Variants in YIPF1 observed in about 807,000 individuals in gnomAD.
YIPF1 encodes the protein Yip1 domain family member 1.
Under a neutral mutation model 37.0 loss-of-function variants are expected in YIPF1, and 22 were observed. The observed-to-expected ratio is 0.59, with a 90% CI of 0.42 to 0.85. YIPF1 has a LOEUF of 0.85. Among genes scored for constraint, YIPF1 ranks in the 40% least tolerant of loss-of-function variants. The pLI, the probability that YIPF1 is intolerant of heterozygous loss-of-function variation, is 0.00. For missense variants in YIPF1, 355 were observed against 373.1 expected, an observed-to-expected ratio of 0.95 and a Z score of 0.40; for synonymous variants, 128 against 131.9, an observed-to-expected ratio of 0.97 and a Z score of 0.21.
At chr1:53,879,032 T>G (rs1650416260) in intron 4 of YIPF1, among the ~76,000 whole-genome samples, 3 of 152,122 alleles carry the variant, frequency 2.0e-5, no homozygotes, top group African/African-American at 7.2e-5. Flanking sequence ...TATAGAATTA[T>G]GTACAATAAT....
At chr1:53,889,608 G>C (rs144447321) in intron 1 of YIPF1, 105 bp downstream of exon 1, 5 of 152,600 alleles carry the variant, frequency 3.3e-5, no homozygotes, top group Non-Finnish European at 5.9e-5. Flanking sequence ...CCGCGAAGCA[G>C]AGGCAGTGTT....
intron 10 of YIPF1, among the ~76,000 whole-genome samples, chr1:53,852,826 C>T (rs999054760): frequency 6.6e-6 from 1 of 151,348 alleles, no homozygotes; most frequent in Admixed American, 6.6e-5. Flanking sequence ...TAGTTAAAGG[C>T]GTGGTCAGAA....
Position 53,883,102 on chromosome 1 carries a change from C to T in YIPF1, c.195+11G>A, listed in dbSNP as rs1360980437. 1 of 1,557,242 alleles carries T rather than the reference C, an allele frequency of 6.4e-7. No homozygotes were observed. Among genetic ancestry groups the T allele is most frequent in the Non-Finnish European group, 8.6e-7 (1 of 1,157,780 alleles). ...AATTGTTTAAAAAATATCTCAAAGA[C>T]AAGTTCAAACCTCAGTTTTGTCAGA... is the stretch of plus-strand genomic sequence containing the variant. On this transcript the variant is annotated intron_variant, in intron 4 of 10. Transcript: ENST00000072644.
intron 4 of YIPF1, among the ~76,000 whole-genome samples, chr1:53,881,879 A>C (rs552429075): frequency 6.6e-6 from 1 of 152,346 alleles, no homozygotes; most frequent in South Asian, 2.1e-4. Context: ...AGAGAAATAT[A>C]AATCATTCTA....
intron 4 of YIPF1, among the ~76,000 whole-genome samples, chr1:53,880,990 C>G (rs901777061): frequency 1.3e-5 from 2 of 151,884 alleles, no homozygotes; most frequent in African/African-American, 4.8e-5. Flanking sequence ...ACCAGCTGGG[C>G]GCGGTGGCTC....
chr1:53,883,734 G>A (rs923923306), intron 3 of YIPF1, among the ~76,000 whole-genome samples: 3 of 152,138 alleles, frequency 2.0e-5, no homozygotes, highest in Non-Finnish European at 4.4e-5. Context: ...GAAAATATGG[G>A]AACAAAAATG....
chr1:53,867,477 A>G (rs1454532372), intron 7 of YIPF1, among the ~76,000 whole-genome samples: 1 of 144,252 alleles, frequency 6.9e-6, no homozygotes, highest in Non-Finnish European at 1.5e-5. Flanking sequence ...GGTTCACGCC[A>G]TTCTCCTGCC....
Position 53,866,800 on chromosome 1 carries a change from C to G in YIPF1, c.606G>C (p.Val202=). The G allele has an allele frequency of 6.2e-7, 1 of 1,614,166 alleles. No homozygotes were observed. Among genetic ancestry groups the G allele is most frequent in the Non-Finnish European group, 8.5e-7 (1 of 1,180,032 alleles). ...TGAAGAGGGAATATCCATAGACACA[C>G]ACAATCTCCAGAAATGAATAGGAGA... ...NIVSYSFLEI[V]CVYGYSLFIY... is the part of the protein sequence containing the mutation. Residue 202 remains valine (V), a synonymous_variant, in exon 8 of 11, where the codon GTG becomes GTC. Coordinates refer to ENST00000072644, the MANE Select transcript of YIPF1 (RefSeq NM_018982.5).
At chr1:53,863,838 C>T (rs1034392814) in intron 9 of YIPF1, among the ~76,000 whole-genome samples, 8 of 152,134 alleles carry the variant, frequency 5.3e-5, no homozygotes, top group African/African-American at 1.7e-4. Context: ...CTCCTAGGCT[C>T]AAGCGATTCT....
At chr1:53,872,601 T>A (rs1300986242) in intron 6 of YIPF1, among the ~76,000 whole-genome samples, 2 of 152,224 alleles carry the variant, frequency 1.3e-5, no homozygotes, top group Non-Finnish European at 2.9e-5. Context: ...TAATAAATTG[T>A]ATGAATTTCA....
At chr1:53,871,880 G>A (rs1202691599) in intron 6 of YIPF1, among the ~76,000 whole-genome samples, 1 of 151,944 alleles carries the variant, frequency 6.6e-6, no homozygotes, top group African/African-American at 2.4e-5. Context: ...CCAAATGTTA[G>A]CATCACAGAG....
intron 9 of YIPF1, among the ~76,000 whole-genome samples, chr1:53,865,962 C>A (rs1650009837): frequency 1.3e-5 from 2 of 152,012 alleles, no homozygotes; most frequent in Admixed American, 6.6e-5. Flanking sequence ...CCACGATGCC[C>A]AGCTAATTTT....
chr1:53,853,574 C>T (rs925359417), intron 10 of YIPF1, among the ~76,000 whole-genome samples: 1 of 152,172 alleles, frequency 6.6e-6, no homozygotes, highest in African/African-American at 2.4e-5. Context: ...GCTAGGCCTT[C>T]CTGGAGACAT....
At chr1:53,866,177 AG>A (rs1650015785) in intron 9 of YIPF1, 22 bp downstream of exon 9, 1 of 1,605,500 alleles carries the variant, frequency 6.2e-7, no homozygotes, top group South Asian at 1.1e-5. Flanking sequence ...ACACACCAAA[AG>A]AATATACGAC....
intron 3 of YIPF1, 21 bp from the exon 4 acceptor site, chr1:53,883,297 C>T (rs150610861): frequency 5.9e-6 from 9 of 1,521,008 alleles, no homozygotes; most frequent in African/African-American, 4.2e-5. Flanking sequence ...TTAGAGCACA[C>T]GGGCCTCAGA....
At chr1:53,856,205 G>A (rs1001704286) in intron 10 of YIPF1, among the ~76,000 whole-genome samples, 1 of 152,220 alleles carries the variant, frequency 6.6e-6, no homozygotes, top group South Asian at 2.1e-4. Context: ...CAAGTTCATA[G>A]ATCTGAGCAA....
intron 4 of YIPF1, among the ~76,000 whole-genome samples, chr1:53,882,389 T>C (rs1440578936): frequency 6.6e-6 from 1 of 151,888 alleles, no homozygotes. Context: ...TGGCAGCAAC[T>C]GCCTTACATG....
intron 9 of YIPF1, among the ~76,000 whole-genome samples, chr1:53,863,451 G>A (rs1649938448): frequency 1.3e-5 from 2 of 152,160 alleles, no homozygotes; most frequent in Admixed American, 6.6e-5. Context: ...CACAGTATAT[G>A]GAGGGCTTTC....
At chr1:53,859,154 G>T (rs1049725441) in intron 10 of YIPF1, among the ~76,000 whole-genome samples, 2 of 152,164 alleles carry the variant, frequency 1.3e-5, no homozygotes, top group African/African-American at 4.8e-5. Context: ...TATGTGGTAG[G>T]CAATGAAGAT....
Sources: gnomAD v4.1 joint callset for allele counts (sites outside exome capture counted in the v4.1 genomes callset) on GRCh38, gnomAD v4.1.1 for gene constraint, MANE v1.5 for transcripts, NCBI Gene and HGNC (gene_info 2026-07-23, HGNC 2026-07-21) for gene names.